The following EXOC4 variants were observed in gnomAD, a reference collection of about 807,000 sequenced individuals.
EXOC4 encodes the protein exocyst complex component 4, also known as SEC8-like 1.
EXOC4 carries 71 observed loss-of-function variants against 107.2 expected under a neutral mutation model. That is an observed-to-expected ratio of 0.66 (90% CI 0.55 to 0.81). The LOEUF is 0.81. Among genes scored for constraint, EXOC4 ranks in the 30% least tolerant of loss-of-function variants. The pLI is 0.00. For missense variants in EXOC4, 1,108 were observed against 1,189.6 expected, an observed-to-expected ratio of 0.93 and a Z score of 1.01; for synonymous variants, 456 against 441.2, an observed-to-expected ratio of 1.03 and a Z score of -0.42.
chr7:133,468,599 C>T (rs192086285), intron 7 of EXOC4, among the ~76,000 whole-genome samples: 13 of 152,208 alleles, frequency 8.5e-5, no homozygotes, highest in African/African-American at 3.1e-4. Flanking sequence ...TTGTCTCCTG[C>T]GCTTTTCAAA....
chr7:133,515,392 CATATATACAT>C (rs1799853784), intron 9 of EXOC4, among the ~76,000 whole-genome samples: 1 of 151,824 alleles, frequency 6.6e-6, no homozygotes, highest in Admixed American at 6.6e-5. Context: ...AATATATGCA[CATATATACAT>C]ATATATACAC....
intron 7 of EXOC4, among the ~76,000 whole-genome samples, chr7:133,385,339 T>C (rs1475214255): frequency 1.3e-5 from 2 of 152,242 alleles, no homozygotes; most frequent in Non-Finnish European, 2.9e-5. Flanking sequence ...TTTGCCTTTA[T>C]AGACCCACCA....
chr7:133,721,854 A>G (rs759260088), intron 10 of EXOC4, among the ~76,000 whole-genome samples: 6 of 152,174 alleles, frequency 3.9e-5, no homozygotes, highest in African/African-American at 7.2e-5. Context: ...TCTGGCTACT[A>G]TTTTTGTGGG....
intron 9 of EXOC4, among the ~76,000 whole-genome samples, chr7:133,554,525 T>C (rs1194550782): frequency 6.6e-6 from 1 of 152,188 alleles, no homozygotes; most frequent in African/African-American, 2.4e-5. Flanking sequence ...ACTAAATTGA[T>C]GCCTTTTCTT....
At chr7:133,549,117 C>G (rs552607427) in intron 9 of EXOC4, among the ~76,000 whole-genome samples, 27 of 152,326 alleles carry the variant, frequency 1.8e-4, no homozygotes, top group Non-Finnish European at 3.4e-4. Flanking sequence ...GATTCTCATG[C>G]GTCAGCCTCC....
chr7:133,679,472 C>T (rs985480187), intron 10 of EXOC4, among the ~76,000 whole-genome samples: 4 of 152,098 alleles, frequency 2.6e-5, no homozygotes, highest in Non-Finnish European at 5.9e-5. Context: ...CACTACAGAG[C>T]TGCTGAGAGC....
chr7:133,258,316 G>A (rs1254500182), intron 1 of EXOC4, among the ~76,000 whole-genome samples: 1 of 152,172 alleles, frequency 6.6e-6, no homozygotes, highest in Non-Finnish European at 1.5e-5. Context: ...AAGGCTTTGA[G>A]GCCTGTAGTA....
intron 1 of EXOC4, among the ~76,000 whole-genome samples, chr7:133,265,382 A>G (rs1426694525): frequency 6.6e-6 from 1 of 151,580 alleles, no homozygotes; most frequent in Non-Finnish European, 1.5e-5. Context: ...CTCCAGCCTG[A>G]GTGACAGAGC....
intron 9 of EXOC4, among the ~76,000 whole-genome samples, chr7:133,491,954 G>A (rs1799379943): frequency 1.3e-5 from 2 of 152,192 alleles, no homozygotes; most frequent in Non-Finnish European, 2.9e-5. Context: ...TAAGCATAAA[G>A]TGTATGGGGA....
intron 11 of EXOC4, among the ~76,000 whole-genome samples, chr7:133,888,935 A>G (rs1301296427): frequency 6.6e-6 from 1 of 152,238 alleles, no homozygotes; most frequent in East Asian, 1.9e-4. Flanking sequence ...AGTGCTTATC[A>G]TTGTACTTTG....
intron 2 of EXOC4, among the ~76,000 whole-genome samples, chr7:133,278,882 A>G (rs1677438117): frequency 1.3e-5 from 2 of 152,066 alleles, no homozygotes; most frequent in African/African-American, 4.8e-5. Context: ...GGTTTGTTAC[A>G]TATGTATACA....
At chr7:133,586,631 A>G (rs1801411326) in intron 9 of EXOC4, among the ~76,000 whole-genome samples, 1 of 152,204 alleles carries the variant, frequency 6.6e-6, no homozygotes, top group Admixed American at 6.5e-5. Context: ...TTTCGGGTAT[A>G]TACCCAATAA....
chr7:133,539,882 C>T (rs560274038), intron 9 of EXOC4, among the ~76,000 whole-genome samples: 8 of 152,172 alleles, frequency 5.3e-5, no homozygotes, highest in Admixed American at 2.0e-4. Flanking sequence ...AAGGAAATGT[C>T]TATATGCTCT....
At position 133,855,138 on chromosome 7, in the gene EXOC4, T is replaced by TAA. The variant is rs1798344382; in HGVS notation, c.1734+37595_1734+37596insAA. The stretch of plus-strand genomic sequence containing the variant: ...AAATATATATATATAAATATATATA[T>TAA]ATATAAATATATATATAAATATATA... On this transcript the variant is annotated intron_variant, in intron 11 of 17. Coordinates refer to ENST00000253861, the MANE Select transcript of EXOC4 (RefSeq NM_021807.4). Among the ~76,000 whole-genome samples, 19 of 126,540 alleles carry TAA rather than the reference T, an allele frequency of 1.5e-4. No homozygotes were observed. The South Asian group carries it at 2.6e-3, about 17-fold the overall frequency. 83.0% of individuals were successfully genotyped at this position (126,540 alleles called of 152,430 possible). A position where few individuals can be genotyped will look rare whatever the true frequency, so the allele number is the denominator to read the frequency against.
At chr7:133,387,918 G>T (rs1317396917) in intron 7 of EXOC4, among the ~76,000 whole-genome samples, 2 of 151,752 alleles carry the variant, frequency 1.3e-5, no homozygotes, top group South Asian at 4.2e-4. Flanking sequence ...ACACAGTTAA[G>T]TATAAATGTA....
intron 9 of EXOC4, among the ~76,000 whole-genome samples, chr7:133,516,696 A>G (rs1249540286): frequency 7.1e-6 from 1 of 141,352 alleles, no homozygotes; most frequent in Non-Finnish European, 1.5e-5. Flanking sequence ...TAGAAGTGGA[A>G]AGTCTGGATC....
chr7:133,799,462 C>T (rs1187310524), intron 10 of EXOC4, among the ~76,000 whole-genome samples: 4 of 152,290 alleles, frequency 2.6e-5, no homozygotes, highest in South Asian at 2.1e-4. Flanking sequence ...GCCCATACAC[C>T]GCTGATTTCA....
intron 14 of EXOC4, among the ~76,000 whole-genome samples, chr7:133,994,476 C>T (rs1454519186): frequency 1.9e-4 from 29 of 152,008 alleles, no homozygotes; most frequent in Non-Finnish European, 1.5e-5. Flanking sequence ...GTGAAACAAA[C>T]CTGCACGTTC....
At chr7:133,542,235 T>A (rs989410328) in intron 9 of EXOC4, among the ~76,000 whole-genome samples, 1 of 150,708 alleles carries the variant, frequency 6.6e-6, no homozygotes, top group Non-Finnish European at 1.5e-5. Context: ...TGGAGGAAAT[T>A]GTCCATTTTT....
Sources: allele counts gnomAD v4.1 joint callset (sites outside exome capture counted in the v4.1 genomes callset), GRCh38; gene constraint gnomAD v4.1.1; transcripts MANE v1.5; gene names NCBI Gene and HGNC (gene_info 2026-07-23, HGNC 2026-07-21).